The following CUBN variants were observed in gnomAD, a reference collection of about 807,000 sequenced individuals.
CUBN encodes the protein 460 kDa receptor.
A neutral mutation model predicts 405.3 loss-of-function variants in CUBN; 282 were observed. The observed-to-expected ratio is 0.70, with a 90% CI of 0.63 to 0.77. CUBN has a LOEUF of 0.77. Ranked by LOEUF, CUBN falls within the 30% of genes least tolerant of loss-of-function variation. The pLI is 0.00. For synonymous variants in CUBN, 1,684 were observed against 1,617.0 expected, an observed-to-expected ratio of 1.04 and a Z score of -0.99; for missense variants, 4,514 against 4,475.2, an observed-to-expected ratio of 1.01 and a Z score of -0.25.
chr10:16,848,086 G>C (rs948873931), intron 60 of CUBN, among the ~76,000 whole-genome samples: 2 of 151,974 alleles, frequency 1.3e-5, no homozygotes, highest in South Asian at 2.1e-4. Flanking sequence ...GAATTTATTT[G>C]AAAAAAACGA....
chr10:16,982,410 A>T (rs1378651511), intron 31 of CUBN, 74 bp downstream of exon 31: 6 of 1,337,116 alleles, frequency 4.5e-6, no homozygotes, highest in South Asian at 1.2e-5. Flanking sequence ...TAATACATTC[A>T]CTAAATATGC....
rs1252085163 is a variant in CUBN, at chr10:16,835,648, C to A, written c.10181-453G>T. Among the ~76,000 whole-genome samples the A allele has an allele frequency of 3.5e-5, 5 of 142,450 alleles. No homozygotes were observed. The South Asian group carries it at 6.6e-4, about 19-fold the overall frequency. 93.5% of individuals were successfully genotyped at this position (142,450 alleles called of 152,430 possible). On this transcript the variant is annotated intron_variant, in intron 63 of 66. Transcript: ENST00000377833. ...TTTTGGTAAAAAAATACCAAAAGTA[C>A]TTTCGTTTGTTTTAACCAAAGGAAG...
chr10:16,935,148 TTTTA>T (rs1482971325), intron 39 of CUBN, among the ~76,000 whole-genome samples: 1 of 152,162 alleles, frequency 6.6e-6, no homozygotes, highest in Non-Finnish European at 1.5e-5. Flanking sequence ...TCCCAATCTC[TTTTA>T]TTTATTATTT....
intron 22 of CUBN, among the ~76,000 whole-genome samples, chr10:17,049,254 C>A (rs547864949): frequency 6.6e-6 from 1 of 152,278 alleles, no homozygotes; most frequent in East Asian, 1.9e-4. Flanking sequence ...AAAAGGACAT[C>A]AAATGAAAGC....
At chr10:17,128,051 A>G in intron 2 of CUBN, 127 bp from the exon 3 acceptor site, 1 of 649,412 alleles carries the variant, frequency 1.5e-6, no homozygotes, top group Non-Finnish European at 2.6e-6. Context: ...CTATTATTAT[A>G]AAAACCAAAA....
At chr10:16,892,977 A>G (rs1305285597) in intron 54 of CUBN, among the ~76,000 whole-genome samples, 1 of 152,218 alleles carries the variant, frequency 6.6e-6, no homozygotes, top group Non-Finnish European at 1.5e-5. Context: ...GTTTAATAAT[A>G]ATGATGATAA....
At chr10:17,056,522 T>G (rs550472168) in intron 22 of CUBN, among the ~76,000 whole-genome samples, 1 of 151,658 alleles carries the variant, frequency 6.6e-6, no homozygotes, top group Non-Finnish European at 1.5e-5. Context: ...GGCAAGAGAA[T>G]GGCGTGAACC....
chr10:17,033,338 T>C (rs1834823822), intron 27 of CUBN, among the ~76,000 whole-genome samples: 1 of 152,232 alleles, frequency 6.6e-6, no homozygotes, highest in Admixed American at 6.5e-5. Flanking sequence ...CTGGGTGCAC[T>C]ATAATTGTCC....
Position 16,915,876 on chromosome 10 carries a change from C to A in CUBN, c.7155G>T (p.Gln2385His), listed in dbSNP as rs1841867983. 1.2e-6 allele frequency: 2 copies of A among 1,613,924 alleles called. No individual in the cohort carries two copies. The highest frequency in any genetic ancestry group is 1.3e-5 in the African/African-American group (1 of 74,904). Reference sequence around the variant, plus strand: ...AGTCTTTTTCACAGCCAGAAGAATTCTGAAGGTTAAAGTCTTCAAAAGAGA... The same window carrying A: ...AGTCTTTTTCACAGCCAGAAGAATTATGAAGGTTAAAGTCTTCAAAAGAGA... ...LTISFEDFNL[Q>H]NSSGCEKDFV... Residue 2385 changes from glutamine to histidine, a missense_variant, in exon 46 of 67, where the codon CAG becomes CAT. By Grantham distance (24) the Gln-to-His change is conservative. Transcript: ENST00000377833.
In CUBN at chr10:17,100,249, C is replaced by G; in HGVS notation, c.1531-10G>C. On this transcript the variant is annotated splice_polypyrimidine_tract_variant and intron_variant, in intron 13 of 66. Coordinates refer to ENST00000377833, the MANE Select transcript of CUBN (RefSeq NM_001081.4). The stretch of plus-strand genomic sequence containing the variant: ...AAGTGATACGCAGGACCTAAAAATA[C>G]AAAGGCCACATATATTATCTTTTAC... 6.6e-7 allele frequency: 1 copy of G among 1,510,136 alleles called. No individual in the cohort carries two copies. The highest frequency in any genetic ancestry group is 9.2e-7 in the Non-Finnish European group (1 of 1,085,670). The allele number at this position is 1,510,136 out of a possible 1,614,324, so 93.5% of individuals were successfully genotyped here. A position where few individuals can be genotyped will look rare whatever the true frequency, so the allele number is the denominator to read the frequency against.
intron 22 of CUBN, among the ~76,000 whole-genome samples, chr10:17,049,444 G>T (rs972664666): frequency 1.2e-4 from 19 of 152,294 alleles, no homozygotes; most frequent in South Asian, 1.2e-3. Context: ...CAACTTGTCT[G>T]TGGGAGAATG....
chr10:16,888,611 G>A (rs767860860), intron 55 of CUBN, 45 bp from the exon 56 acceptor site: 1 of 1,573,240 alleles, frequency 6.4e-7, no homozygotes, highest in South Asian at 1.1e-5. Flanking sequence ...TATTTCTCGT[G>A]TATCTATTTT....
intron 27 of CUBN, among the ~76,000 whole-genome samples, chr10:17,035,982 A>G (rs556464588): frequency 6.6e-6 from 1 of 152,120 alleles, no homozygotes; most frequent in South Asian, 2.1e-4. Flanking sequence ...GTGTACTACT[A>G]TCAGGGTAGT....
chr10:17,041,347 T>C, intron 26 of CUBN, 127 bp from the exon 27 acceptor site: 4 of 729,814 alleles, frequency 5.5e-6, no homozygotes, highest in Non-Finnish European at 9.7e-6. Flanking sequence ...ATATGATGTG[T>C]ATATATGTGT....
chr10:16,926,909 T>C (rs1329708844), intron 41 of CUBN, among the ~76,000 whole-genome samples: 2 of 151,886 alleles, frequency 1.3e-5, no homozygotes, highest in Non-Finnish European at 2.9e-5. Context: ...GAAGTCTATA[T>C]TTTAGTGCAC....
intron 57 of CUBN, among the ~76,000 whole-genome samples, chr10:16,876,143 C>T (rs1395728870): frequency 6.6e-6 from 1 of 152,158 alleles, no homozygotes; most frequent in Non-Finnish European, 1.5e-5. Context: ...CTACCTTTAG[C>T]AATGGGTTTG....
intron 14 of CUBN, among the ~76,000 whole-genome samples, chr10:17,090,787 G>A (rs543258312): frequency 7.2e-6 from 1 of 139,280 alleles, no homozygotes; most frequent in East Asian, 2.5e-4. Flanking sequence ...TTGGGAACCA[G>A]GATTTTTACT....
At chr10:16,962,683 A>G (rs1339626419) in intron 31 of CUBN, among the ~76,000 whole-genome samples, 1 of 151,976 alleles carries the variant, frequency 6.6e-6, no homozygotes, top group African/African-American at 2.4e-5. Flanking sequence ...TGTCCTCTCT[A>G]TTGCTTGCCC....
chr10:17,106,130 C>G (rs1484529790), intron 10 of CUBN, among the ~76,000 whole-genome samples: 1 of 151,628 alleles, frequency 6.6e-6, no homozygotes, highest in African/African-American at 2.4e-5. Flanking sequence ...ACTAAAAATA[C>G]AAAAATTAGC....
Sources: allele counts gnomAD v4.1 joint callset (sites outside exome capture counted in the v4.1 genomes callset), GRCh38; gene constraint gnomAD v4.1.1; transcripts MANE v1.5; gene names NCBI Gene and HGNC (gene_info 2026-07-23, HGNC 2026-07-21).